ATAD5: variants seen among roughly 807,000 people sequenced by gnomAD.
ATAD5 encodes ATPase family AAA domain containing 5.
In ATAD5, 58 loss-of-function variants were observed where a neutral mutation model predicts 176.9. The observed-to-expected ratio is 0.33, with a 90% CI of 0.27 to 0.41. The LOEUF (loss-of-function observed/expected upper bound fraction) is 0.41. ATAD5 is among the 10% of genes least tolerant of loss of function. The pLI is 1.00. For missense variants in ATAD5, 1,789 were observed against 2,094.1 expected, an observed-to-expected ratio of 0.85 and a Z score of 2.84; for synonymous variants, 640 against 712.6, an observed-to-expected ratio of 0.90 and a Z score of 1.62.
At chr17:30,889,891 T>C (rs1364126403) in intron 19 of ATAD5, among the ~76,000 whole-genome samples, 27 of 141,756 alleles carry the variant, frequency 1.9e-4, no homozygotes, top group East Asian at 1.6e-3. Context: ...TCTTTCTTTT[T>C]TTTTTTTTTT....
In ATAD5 at chr17:30,877,703, T is replaced by C. The variant is rs1021399900; in HGVS notation, c.3918+154T>C. On this transcript the variant is annotated intron_variant, in intron 16 of 22. Transcript: ENST00000321990. The stretch of plus-strand genomic sequence containing the variant: ...TTAAAGCAAATTAAACTGTCCACTC[T>C]AGAATAATTTTTCAGGAAGATGATT... 9.8e-5 allele frequency among the ~76,000 whole-genome samples: 15 copies of C among 152,294 alleles called. No homozygotes were observed. The South Asian group carries it at 2.3e-3, about 23-fold the overall frequency.
At chr17:30,887,602 A>ATG (rs1393577451) in intron 19 of ATAD5, among the ~76,000 whole-genome samples, 1 of 152,086 alleles carries the variant, frequency 6.6e-6, no homozygotes, top group African/African-American at 2.4e-5. Context: ...TGAAGCCAGG[A>ATG]GTTCAAAACC....
In ATAD5 at chr17:30,835,709, A is replaced by T; in HGVS notation, c.1628A>T (p.Asp543Val). 1 of 1,610,136 alleles carries T rather than the reference A, an allele frequency of 6.2e-7. No individual in the cohort carries two copies. Among genetic ancestry groups the T allele is most frequent in the Non-Finnish European group, 8.5e-7 (1 of 1,178,892 alleles). ...AACAATGAAAGTCTTGTTTATGAAG[A>T]TATAGCAAATGATGACCTTCTAAAG... is the stretch of plus-strand genomic sequence containing the variant. ...LFNNESLVYE[D>V]IANDDLLKVS... The change falls in exon 2 of 23, where the codon GAT (aspartate) becomes GTT (valine). Residue 543 changes from aspartate to valine, a missense_variant. Physicochemically the swap from Asp to Val is radical, Grantham distance 152. Coordinates refer to ENST00000321990, the MANE Select transcript of ATAD5 (RefSeq NM_024857.5).
Position 30,835,310 on chromosome 17 carries a change from C to T in ATAD5, c.1229C>T (p.Pro410Leu). 1.2e-6 allele frequency: 2 copies of T among 1,613,962 alleles called. No homozygotes were observed. Among genetic ancestry groups the T allele is most frequent in the Non-Finnish European group, 1.7e-6 (2 of 1,179,992 alleles). Residue 410 changes from proline (P) to leucine (L), a missense_variant, in exon 2 of 23, where the codon CCA becomes CTA. Pro to Leu is a moderately conservative substitution (Grantham distance 98). This residue lies in a region of ATAD5 where 696 missense variants were observed against 712.5 expected (regional missense o/e 0.98). Coordinates refer to ENST00000321990, the MANE Select transcript of ATAD5 (RefSeq NM_024857.5). ...RQQFMKAFRQ[P>L]ASDALKNGVK... ...CAATTTATGAAAGCATTTAGGCAGC[C>T]AGCATCAGATGCACTTAAAAATGGA...
intron 6 of ATAD5, among the ~76,000 whole-genome samples, chr17:30,846,088 A>G (rs930953208): frequency 2.1e-4 from 32 of 152,304 alleles, no homozygotes; most frequent in Middle Eastern, 3.4e-3. Flanking sequence ...AGAAATAACA[A>G]TCTTCTTTTT....
Position 30,893,937 on chromosome 17 carries a change from A to G in ATAD5, c.5084A>G (p.Glu1695Gly). The G allele has an allele frequency of 1.2e-6, 2 of 1,614,100 alleles. No homozygotes were observed. Among genetic ancestry groups the G allele is most frequent in the Non-Finnish European group, 1.7e-6 (2 of 1,179,942 alleles). ...TSGLCDEFSL[E>G]SNDGWTSQSS... ...GGACTTTGTGATGAGTTTAGTCTTGAGAGTAATGATGGATGGACTTCTCAA... is the reference window on the plus strand; with the variant it reads ...GGACTTTGTGATGAGTTTAGTCTTGGGAGTAATGATGGATGGACTTCTCAA... Residue 1695 changes from glutamate to glycine, a missense_variant, in exon 21 of 23, where the codon GAG becomes GGG. Glu to Gly is a moderately conservative substitution (Grantham distance 98, BLOSUM62 -2). Around this residue, in one of 6 missense-constraint regions of ATAD5, gnomAD observed 403 missense variants for 495.1 expected, o/e 0.81. Transcript: ENST00000321990.
At chr17:30,852,533 C>T (rs1474440454) in intron 6 of ATAD5, among the ~76,000 whole-genome samples, 1 of 152,116 alleles carries the variant, frequency 6.6e-6, no homozygotes, top group East Asian at 1.9e-4. Context: ...GTTTTGCATT[C>T]CCATAAACGA....
Position 30,894,940 on chromosome 17 carries a change from AGATTATCAT to A in ATAD5, c.*29_*37del, listed in dbSNP as rs775060675. Reference sequence around the variant, plus strand: ...GTTCCATACTAACAATGCTTTGTATAGATTATCATGTGGTCCTTAAGATACATTTTTATA... The same window carrying A: ...GTTCCATACTAACAATGCTTTGTATAGTGGTCCTTAAGATACATTTTTATA... On this transcript the variant is annotated 3_prime_UTR_variant, in exon 23 of 23. Transcript: ENST00000321990. 6.8e-7 allele frequency: 1 copy of A among 1,468,530 alleles called. No homozygotes were observed. Among genetic ancestry groups the A allele is most frequent in the Non-Finnish European group, 9.3e-7 (1 of 1,077,992 alleles). 91.0% of individuals were successfully genotyped at this position (1,468,530 alleles called of 1,614,324 possible). A position where few individuals can be genotyped will look rare whatever the true frequency, so the allele number is the denominator to read the frequency against.
At chr17:30,833,468 T>A (rs1905504195) in intron 1 of ATAD5, among the ~76,000 whole-genome samples, 2 of 152,294 alleles carry the variant, frequency 1.3e-5, no homozygotes, top group East Asian at 1.9e-4. Flanking sequence ...ATTCTACAAA[T>A]GAAAGAAGGT....
chr17:30,850,291 A>G (rs1169627174), intron 6 of ATAD5, among the ~76,000 whole-genome samples: 1 of 151,114 alleles, frequency 6.6e-6, no homozygotes, highest in African/African-American at 2.4e-5. Flanking sequence ...ACCTCTGGCT[A>G]TGTCTCCCTC....
chr17:30,878,731 T>TG (rs1402170397), intron 17 of ATAD5, among the ~76,000 whole-genome samples: 2,576 of 124,170 alleles, frequency 0.021, 161 homozygotes, highest in African/African-American at 0.077. Flanking sequence ...TTTTTTTTTT[T>TG]TTTTTTTTTT....
At chr17:30,860,373 T>C (rs1907554155) in intron 9 of ATAD5, 60 bp from the exon 10 acceptor site, 4 of 1,521,274 alleles carry the variant, frequency 2.6e-6, no homozygotes, top group Non-Finnish European at 3.5e-6. Context: ...GGAAGTGATA[T>C]TAATATTACT....
chr17:30,835,323 A>G lies in ATAD5; in HGVS notation c.1242A>G (p.Ala414=). Residue 414 remains alanine, a synonymous_variant, in exon 2 of 23, where the codon GCA becomes GCG. Transcript: ENST00000321990. ...CATTTAGGCAGCCAGCATCAGATGCACTTAAAAATGGAGTTAAAAAGTCTT... is the reference window on the plus strand; with the variant it reads ...CATTTAGGCAGCCAGCATCAGATGCGCTTAAAAATGGAGTTAAAAAGTCTT... The part of the protein sequence containing the change: ...MKAFRQPASD[A]LKNGVKKSSD... 6.2e-7 allele frequency: 1 copy of G among 1,614,038 alleles called. No homozygotes were observed. The highest frequency in any genetic ancestry group is 8.5e-7 in the Non-Finnish European group (1 of 1,179,988).
chr17:30,886,586 C>T (rs1208163765), intron 18 of ATAD5, among the ~76,000 whole-genome samples: 1 of 151,642 alleles, frequency 6.6e-6, no homozygotes, highest in African/African-American at 2.4e-5. Flanking sequence ...AAACTCCTGA[C>T]CTCAGGTGAT....
At chr17:30,851,159 G>T (rs1326084717) in intron 6 of ATAD5, among the ~76,000 whole-genome samples, 3 of 146,720 alleles carry the variant, frequency 2.0e-5, no homozygotes, top group Non-Finnish European at 4.5e-5. Context: ...AAAGTGCTGG[G>T]ATTATAGGCG....
Position 30,879,476 on chromosome 17 carries a change from A to G in ATAD5, c.4066A>G (p.Thr1356Ala), listed in dbSNP as rs1392108491. The G allele has an allele frequency of 6.3e-7, 1 of 1,587,574 alleles. No homozygotes were observed. The highest frequency in any genetic ancestry group is 2.3e-5 in the East Asian group (1 of 43,956). ...CTGCTTTGAAGAAATCAAGTTCAGTACTCCTTCCCTGGTAAGTTTTAAATT... is the reference window on the plus strand; with the variant it reads ...CTGCTTTGAAGAAATCAAGTTCAGTGCTCCTTCCCTGGTAAGTTTTAAATT... ...DGCFEEIKFSTPSLLNVASYL... is the reference protein window; with the variant it reads ...DGCFEEIKFSAPSLLNVASYL... Residue 1356 changes from threonine (T) to alanine (A), a missense_variant, in exon 18 of 23, where the codon ACT (threonine) becomes GCT (alanine). Coordinates refer to ENST00000321990, the MANE Select transcript of ATAD5 (RefSeq NM_024857.5).
At chr17:30,850,919 C>G (rs1390408775) in intron 6 of ATAD5, among the ~76,000 whole-genome samples, 37 of 85,104 alleles carry the variant, frequency 4.3e-4, no homozygotes, top group African/African-American at 1.7e-3. Context: ...GAGTCTTGCT[C>G]TGTCAGCCAG....
intron 19 of ATAD5, among the ~76,000 whole-genome samples, chr17:30,890,776 TAAAAAAA>T (rs879339296): frequency 3.4e-5 from 5 of 147,298 alleles, no homozygotes; most frequent in Non-Finnish European, 1.5e-5. Flanking sequence ...TCCCTGCCCT[TAAAAAAA>T]AAACAGATAC....
rs1026795510 is a variant in ATAD5, at chr17:30,894,576, G to A, written c.5310G>A (p.Lys1770=). 6.2e-7 allele frequency: 1 copy of A among 1,600,790 alleles called. No individual in the cohort carries two copies. The highest frequency in any genetic ancestry group is 1.3e-5 in the African/African-American group (1 of 74,198). Residue 1770 remains lysine (K), a synonymous_variant, in exon 22 of 23, where the codon AAG becomes AAA. Transcript: ENST00000321990. Reference sequence around the variant, plus strand: ...ATTACTTTTACAGCAATGCTTGGAAGAGGATATCAGTCATTAAAAGTGTAT... The same window carrying A: ...ATTACTTTTACAGCAATGCTTGGAAAAGGATATCAGTCATTAAAAGTGTAT... The part of the protein sequence containing the change: ...QSAANLDNAW[K]RISVIKSVFS...
Sources: allele counts gnomAD v4.1 joint callset (sites outside exome capture counted in the v4.1 genomes callset), GRCh38; gene constraint gnomAD v4.1.1; regional missense constraint gnomAD v4.1.1; transcripts MANE v1.5; gene names NCBI Gene and HGNC (gene_info 2026-07-23, HGNC 2026-07-21).